VDAC2: variants seen among roughly 807,000 people sequenced by gnomAD.
VDAC2 encodes non-selective voltage-gated ion channel VDAC2.
In VDAC2, 6 loss-of-function variants were observed where a neutral mutation model predicts 36.6. The observed-to-expected ratio is 0.16, with a 90% CI of 0.09 to 0.32. The LOEUF (loss-of-function observed/expected upper bound fraction) is 0.32, where lower values mean the gene tolerates loss of function less well. Ranked by LOEUF, VDAC2 falls within the 10% of genes least tolerant of loss-of-function variation. VDAC2 has a pLI of 1.00. For synonymous variants in VDAC2, 109 were observed against 123.8 expected (o/e 0.88, Z 0.79); for missense variants, 247 against 346.0 (o/e 0.71, Z 2.27).
intron 2 of VDAC2, chr10:75,211,495 A>C: frequency 2.0e-6 from 3 of 1,530,936 alleles, no homozygotes; most frequent in Non-Finnish European, 2.6e-6. Flanking sequence ...CGGATCAATC[A>C]CTTTTCTAGA....
At chr10:75,229,514 C>A in intron 8 of VDAC2, 130 bp from the exon 9 acceptor site, 1 of 672,572 alleles carries the variant, frequency 1.5e-6, no homozygotes, top group Non-Finnish European at 2.4e-6. Flanking sequence ...TGGCTTAATA[C>A]ATAATATTGA....
chr10:75,222,504 C>G, intron 8 of VDAC2, 102 bp downstream of exon 8: 3 of 1,444,078 alleles, frequency 2.1e-6, no homozygotes, highest in Non-Finnish European at 2.8e-6. Flanking sequence ...CACACAGTCC[C>G]CAGTTTACAG....
chr10:75,211,627 A>G, intron 2 of VDAC2: 1 of 1,550,630 alleles, frequency 6.4e-7, no homozygotes, highest in East Asian at 2.4e-5. Flanking sequence ...CTTAAGCAGC[A>G]CAGCATTGGC....
chr10:75,225,093 T>C lies in VDAC2; in HGVS notation c.735+2691T>C, dbSNP rs535692560. Among the ~76,000 whole-genome samples the C allele has an allele frequency of 9.8e-5, 15 of 152,352 alleles. No individual in the cohort carries two copies. The South Asian group carries it at 3.1e-3, about 32-fold the overall frequency. ...CTTATAATACTGATTGATGATTATA[T>C]GTATTGTGAAATTGAGTTGAAGCCT... On this transcript the variant is annotated intron_variant, in intron 8 of 9. Transcript: ENST00000332211.
intron 3 of VDAC2, among the ~76,000 whole-genome samples, chr10:75,213,588 C>CA (rs1169099054): frequency 2.0e-5 from 3 of 151,910 alleles, no homozygotes; most frequent in South Asian, 2.1e-4. Context: ...ACTAAAAATA[C>CA]AAAAAATTAG....
At chr10:75,229,153 G>A (rs530251287) in intron 8 of VDAC2, among the ~76,000 whole-genome samples, 2 of 149,696 alleles carry the variant, frequency 1.3e-5, no homozygotes, top group Admixed American at 6.6e-5. Flanking sequence ...ATTACTTGTC[G>A]TTTGGAGATT....
intron 4 of VDAC2, chr10:75,217,836 T>G (rs1841653291): frequency 9.1e-7 from 1 of 1,101,606 alleles, no homozygotes; most frequent in African/African-American, 1.6e-5. Flanking sequence ...GAGAGAAGGT[T>G]GACTGGCCTT....
In VDAC2 at chr10:75,229,487, A is replaced by G. The variant is rs1842046476; in HGVS notation, c.736-157A>G. 1.5e-5 allele frequency: 8 copies of G among 538,468 alleles called. No individual in the cohort carries two copies. In the South Asian group the frequency reaches 2.3e-4, roughly 16 times the overall value. The allele number at this position is 538,468 out of a possible 1,614,324, so 33.4% of individuals were successfully genotyped here. A position where few individuals can be genotyped will look rare whatever the true frequency, so the allele number is the denominator to read the frequency against. ...TTTGAGTTGAATGGATACGAATTAA[A>G]TAGTACCTGGTTTGTTTGGCTTAAT... On this transcript the variant is annotated intron_variant, in intron 8 of 9. Transcript: ENST00000332211.
intron 1 of VDAC2, 36 bp downstream of exon 1, chr10:75,210,974 C>T (rs1329125943): frequency 5.0e-6 from 3 of 597,346 alleles, no homozygotes; most frequent in African/African-American, 3.9e-5. Context: ...ACCCAGGGGC[C>T]TAGGCCGCGG....
chr10:75,211,128 C>A lies in VDAC2; in HGVS notation c.-25-6C>A. 2 of 1,607,118 alleles carry A rather than the reference C, an allele frequency of 1.2e-6. No homozygotes were observed. The highest frequency in any genetic ancestry group is 1.7e-6 in the Non-Finnish European group (2 of 1,176,744). On this transcript the variant is annotated splice_polypyrimidine_tract_variant and splice_region_variant and intron_variant, in intron 1 of 9. Coordinates refer to ENST00000332211, the MANE Select transcript of VDAC2 (RefSeq NM_001391963.1). Reference sequence around the variant, plus strand: ...CAGCTTACCGCACTTCTTGTCCCTCCCGCAGATTCCCCTCTTCCCGCGGCC... The same window carrying A: ...CAGCTTACCGCACTTCTTGTCCCTCACGCAGATTCCCCTCTTCCCGCGGCC...
rs1240647457 is a variant in VDAC2 at position 75,212,311 on chromosome 10, T to G, written c.100+13T>G. The G allele has an allele frequency of 3.7e-6, 6 of 1,606,808 alleles. No individual in the cohort carries two copies. The highest frequency in any genetic ancestry group is 5.1e-6 in the Non-Finnish European group (6 of 1,176,240). ...AACAAAGGATTTGGTAAGAACCTTATTTTTAAAACGTTTTAGATAAAGAGT... is the reference window on the plus strand; with the variant it reads ...AACAAAGGATTTGGTAAGAACCTTAGTTTTAAAACGTTTTAGATAAAGAGT... On this transcript the variant is annotated intron_variant, in intron 3 of 9. Transcript: ENST00000332211.
intron 8 of VDAC2, among the ~76,000 whole-genome samples, chr10:75,226,279 A>T (rs138523975): frequency 6.6e-6 from 1 of 151,836 alleles, no homozygotes; most frequent in African/African-American, 2.4e-5. Context: ...CTATGATACT[A>T]TGGTGTATAT....
intron 8 of VDAC2, among the ~76,000 whole-genome samples, chr10:75,224,048 G>T (rs1461308742): frequency 1.3e-5 from 2 of 152,178 alleles, no homozygotes; most frequent in Non-Finnish European, 2.9e-5. Context: ...ACCTGCTCTA[G>T]GAGATTAATT....
intron 8 of VDAC2, among the ~76,000 whole-genome samples, chr10:75,223,156 T>C (rs1054428588): frequency 7.2e-5 from 11 of 152,006 alleles, no homozygotes; most frequent in African/African-American, 2.7e-4. Context: ...AATTTTTTTG[T>C]ATTTTTTAGT....
At chr10:75,216,886 A>G (rs1379886720) in intron 4 of VDAC2, among the ~76,000 whole-genome samples, 4 of 152,226 alleles carry the variant, frequency 2.6e-5, no homozygotes, top group Non-Finnish European at 5.9e-5. Context: ...AAAACGTACA[A>G]ACTTTCACAG....
intron 8 of VDAC2, among the ~76,000 whole-genome samples, chr10:75,227,987 C>G (rs1240282582): frequency 6.6e-6 from 1 of 151,824 alleles, no homozygotes; most frequent in African/African-American, 2.4e-5. Flanking sequence ...CTCCGCCTCC[C>G]GGGTTCACGC....
intron 8 of VDAC2, 30 bp downstream of exon 8, chr10:75,222,432 G>T (rs200207689): frequency 3.3e-4 from 530 of 1,611,536 alleles, no homozygotes; most frequent in Non-Finnish European, 4.3e-4. Flanking sequence ...TAGAATGGGG[G>T]TTTTGGTTGT....
intron 3 of VDAC2, 101 bp from the exon 4 acceptor site, chr10:75,213,920 A>G (rs1440879148): frequency 1.8e-6 from 2 of 1,119,234 alleles, no homozygotes; most frequent in African/African-American, 3.1e-5. Flanking sequence ...TCCACCTCTG[A>G]ATATGTGGAA....
intron 3 of VDAC2, among the ~76,000 whole-genome samples, chr10:75,213,511 G>A (rs994923846): frequency 6.6e-6 from 1 of 152,118 alleles, no homozygotes; most frequent in African/African-American, 2.4e-5. Flanking sequence ...TTGGGAGGCC[G>A]AGGCGGGCAG....
Sources: gnomAD v4.1 joint callset for allele counts (sites outside exome capture counted in the v4.1 genomes callset) on GRCh38, gnomAD v4.1.1 for gene constraint, MANE v1.5 for transcripts, NCBI Gene and HGNC (gene_info 2026-07-23, HGNC 2026-07-21) for gene names.